SMAD9: variants seen among roughly 807,000 people sequenced by gnomAD.
SMAD9 encodes the protein SMAD family member 9.
A neutral mutation model predicts 46.1 loss-of-function variants in SMAD9; 36 were observed. The ratio of observed to expected loss-of-function variants is 0.78; its 90% CI spans 0.60 to 1.03. The LOEUF is 1.03. Ranked by LOEUF, SMAD9 falls within the 50% of genes least tolerant of loss-of-function variation. SMAD9 has a pLI of 0.00. For synonymous variants in SMAD9, 245 were observed against 237.1 expected (o/e 1.03, Z -0.31); for missense variants, 572 against 599.8 (o/e 0.95, Z 0.48).
At chr13:36,882,766 T>C (rs2058414999) in intron 1 of SMAD9, among the ~76,000 whole-genome samples, 1 of 152,264 alleles carries the variant, frequency 6.6e-6, no homozygotes, top group Non-Finnish European at 1.5e-5. Context: ...TATGCTTGTT[T>C]GTATGCTTGG....
intron 1 of SMAD9, among the ~76,000 whole-genome samples, chr13:36,917,747 A>G (rs2058709636): frequency 6.6e-6 from 1 of 152,234 alleles, no homozygotes; most frequent in Non-Finnish European, 1.5e-5. Context: ...GCAGAACATG[A>G]TGAAACTGCT....
chr13:36,874,639 C>T lies in SMAD9; in HGVS notation c.413-1724G>A, dbSNP rs1225354402. Among the ~76,000 whole-genome samples the T allele has an allele frequency of 4.6e-5, 7 of 152,096 alleles. No homozygotes were observed. The South Asian group carries it at 1.2e-3, about 27-fold the overall frequency. The stretch of plus-strand genomic sequence containing the variant: ...TTGGAAGGCCAAGGCAGGTGGATCA[C>T]GAGGTCAGGAGATCGAGACCATCCT... On this transcript the variant is annotated intron_variant, in intron 2 of 6. Transcript: ENST00000379826.
intron 1 of SMAD9, among the ~76,000 whole-genome samples, chr13:36,909,974 G>C (rs1223132646): frequency 2.0e-5 from 3 of 152,102 alleles, no homozygotes; most frequent in African/African-American, 7.2e-5. Flanking sequence ...GAGGCGGGTG[G>C]ATCACGAGGT....
At chr13:36,853,331 C>T (rs752477310) in intron 6 of SMAD9, 88 bp downstream of exon 6, 10 of 1,301,228 alleles carry the variant, frequency 7.7e-6, no homozygotes, top group Middle Eastern at 1.9e-4. Flanking sequence ...CAGAATTGAC[C>T]GCACAACTGC....
At chr13:36,914,985 G>T (rs2058687907) in intron 1 of SMAD9, among the ~76,000 whole-genome samples, 1 of 152,188 alleles carries the variant, frequency 6.6e-6, no homozygotes, top group South Asian at 2.1e-4. Context: ...AAGTAAATCT[G>T]TATTTGATAG....
At chr13:36,882,227 CTGTG>C (rs61006734) in intron 1 of SMAD9, among the ~76,000 whole-genome samples, 58,468 of 149,268 alleles carry the variant, frequency 0.39, 11,361 homozygotes, top group Middle Eastern at 0.44. Flanking sequence ...CAGGTATGTG[CTGTG>C]TGTGTGTGTG....
At chr13:36,882,257 G>GTGTA (rs776687378) in intron 1 of SMAD9, among the ~76,000 whole-genome samples, 1 of 136,028 alleles carries the variant, frequency 7.4e-6, no homozygotes, top group Non-Finnish European at 1.5e-5. Context: ...GTGTGTGTGT[G>GTGTA]TGTATGTGTG....
At chr13:36,885,732 G>A (rs2058439762) in intron 1 of SMAD9, among the ~76,000 whole-genome samples, 1 of 151,778 alleles carries the variant, frequency 6.6e-6, no homozygotes, top group Admixed American at 6.6e-5. Context: ...CAAGGCATCT[G>A]TGGACATTTG....
rs930362121 is a variant in SMAD9, at chr13:36,847,743, C to T, written c.*933G>A. ...ACGTGGGAAATGAGAAAGTGTAAGT[C>T]GACGTGTGATGCTTTTCTCCAACCT... On this transcript the variant is annotated 3_prime_UTR_variant, in exon 7 of 7. Transcript: ENST00000379826. The T allele has an allele frequency of 4.6e-5, 7 of 152,222 alleles. No individual in the cohort carries two copies. Among genetic ancestry groups the T allele is most frequent in the Non-Finnish European group, 8.8e-5 (6 of 68,042 alleles). 9.4% of individuals were successfully genotyped at this position (152,222 alleles called of 1,614,324 possible).
intron 1 of SMAD9, among the ~76,000 whole-genome samples, chr13:36,911,291 T>G (rs2058658917): frequency 6.6e-6 from 1 of 152,194 alleles, no homozygotes; most frequent in Non-Finnish European, 1.5e-5. Context: ...ATTACAGGCA[T>G]GAACCATTGC....
At chr13:36,879,952 C>T in intron 1 of SMAD9, 77 bp from the exon 2 acceptor site, 2 of 396,296 alleles carry the variant, frequency 5.0e-6, no homozygotes, top group Non-Finnish European at 9.2e-6. Context: ...TAGAAAGAGG[C>T]AATCTACACC....
At chr13:36,920,521 T>C, upstream of SMAD9, 1 of 152,058 alleles carries the variant, frequency 6.6e-6, no homozygotes, top group Non-Finnish European at 1.5e-5. Context: ...GCCCTCTCGG[T>C]CCCCCTGCGC....
intron 1 of SMAD9, among the ~76,000 whole-genome samples, chr13:36,909,670 G>C (rs1201588534): frequency 6.6e-6 from 1 of 152,186 alleles, no homozygotes; most frequent in Admixed American, 6.5e-5. Context: ...TCCAGTCTGA[G>C]TGCTAGTACC....
chr13:36,914,515 T>C (rs1235275926), intron 1 of SMAD9, among the ~76,000 whole-genome samples: 4 of 151,904 alleles, frequency 2.6e-5, no homozygotes, highest in Admixed American at 1.3e-4. Flanking sequence ...AGAGACTCCA[T>C]CTCAAAAAAC....
At position 36,879,788 on chromosome 13, in the gene SMAD9, C is replaced by G; in HGVS notation, c.-99G>C. Reference sequence around the variant, plus strand: ...CTCCAGGGGTGGCATAGGGACCAACCCGCCCGTTCTTCTGGGAGCAGCTGG... The same window carrying G: ...CTCCAGGGGTGGCATAGGGACCAACGCGCCCGTTCTTCTGGGAGCAGCTGG... On this transcript the variant is annotated 5_prime_UTR_variant, in exon 2 of 7. Transcript: ENST00000379826. 1 of 1,344,276 alleles carries G rather than the reference C, an allele frequency of 7.4e-7. No individual in the cohort carries two copies. Among genetic ancestry groups the G allele is most frequent in the South Asian group, 1.2e-5 (1 of 83,512 alleles). 83.3% of individuals were successfully genotyped at this position (1,344,276 alleles called of 1,614,324 possible). A position where few individuals can be genotyped will look rare whatever the true frequency, so the allele number is the denominator to read the frequency against.
chr13:36,898,633 C>T (rs931585803), intron 1 of SMAD9, among the ~76,000 whole-genome samples: 1 of 152,008 alleles, frequency 6.6e-6, no homozygotes, highest in Non-Finnish European at 1.5e-5. Context: ...CATGTTTCAC[C>T]ATACTAACAA....
At chr13:36,914,315 C>T (rs945381345) in intron 1 of SMAD9, among the ~76,000 whole-genome samples, 1 of 152,122 alleles carries the variant, frequency 6.6e-6, no homozygotes, top group African/African-American at 2.4e-5. Flanking sequence ...GTCAGGAGAT[C>T]GAGACCATCC....
intron 3 of SMAD9, among the ~76,000 whole-genome samples, chr13:36,868,795 C>G (rs893662978): frequency 6.6e-6 from 1 of 152,124 alleles, no homozygotes; most frequent in Non-Finnish European, 1.5e-5. Flanking sequence ...GTAGCACTTC[C>G]ACTCCTAGGT....
At chr13:36,855,278 A>G (rs1405901568) in intron 5 of SMAD9, among the ~76,000 whole-genome samples, 1 of 151,586 alleles carries the variant, frequency 6.6e-6, no homozygotes. Context: ...AAAAAAAAGA[A>G]AAGCATCCTG....
Sources: gnomAD v4.1 joint callset for allele counts (sites outside exome capture counted in the v4.1 genomes callset) on GRCh38, gnomAD v4.1.1 for gene constraint, MANE v1.5 for transcripts, NCBI Gene and HGNC (gene_info 2026-07-23, HGNC 2026-07-21) for gene names.